The following MIPOL1 variants were observed in gnomAD, a reference collection of about 807,000 sequenced individuals.
The protein encoded by MIPOL1 is mirror-image polydactyly gene 1 protein.
In MIPOL1, 57 loss-of-function variants were observed where a neutral mutation model predicts 60.9. The observed-to-expected ratio is 0.94, with a 90% CI of 0.76 to 1.17. MIPOL1 has a LOEUF of 1.17. MIPOL1 is among the 50% of genes most tolerant of loss of function. MIPOL1 has a pLI of 0.00. For missense variants in MIPOL1, 551 were observed against 511.6 expected, an observed-to-expected ratio of 1.08 and a Z score of -0.74; for synonymous variants, 179 against 168.8, an observed-to-expected ratio of 1.06 and a Z score of -0.47.
chr14:37,444,869 TCAA>T (rs1440196960), intron 11 of MIPOL1, among the ~76,000 whole-genome samples: 1 of 152,108 alleles, frequency 6.6e-6, no homozygotes, highest in African/African-American at 2.4e-5. Flanking sequence ...TTGACAAAAT[TCAA>T]CAACGCTTCA....
intron 10 of MIPOL1, among the ~76,000 whole-genome samples, chr14:37,382,754 C>T (rs942485286): frequency 2.6e-5 from 4 of 151,708 alleles, no homozygotes; most frequent in Admixed American, 2.0e-4. Flanking sequence ...TAATTCAGTG[C>T]CTGGTCTCTC....
At chr14:37,454,905 T>G (rs2094460438) in intron 11 of MIPOL1, among the ~76,000 whole-genome samples, 1 of 152,196 alleles carries the variant, frequency 6.6e-6, no homozygotes, top group Admixed American at 6.6e-5. Context: ...ATTCTTACTG[T>G]GATATATTGT....
chr14:37,388,489 T>G (rs911228974), intron 10 of MIPOL1, among the ~76,000 whole-genome samples: 15 of 150,854 alleles, frequency 9.9e-5, no homozygotes, highest in Admixed American at 2.7e-4. Flanking sequence ...TTTTTGTGTT[T>G]TTTTTTTTTT....
chr14:37,211,325 C>T (rs546093964), intron 1 of MIPOL1, among the ~76,000 whole-genome samples: 4 of 152,044 alleles, frequency 2.6e-5, no homozygotes, highest in Non-Finnish European at 5.9e-5. Flanking sequence ...CTGAAGAGAT[C>T]GAAAAACAAT....
intron 1 of MIPOL1, among the ~76,000 whole-genome samples, chr14:37,223,444 A>C (rs191459116): frequency 6.6e-6 from 1 of 152,172 alleles, no homozygotes; most frequent in Admixed American, 6.5e-5. Context: ...ACATATGAGG[A>C]GTTTCAAAAA....
intron 1 of MIPOL1, among the ~76,000 whole-genome samples, chr14:37,241,891 T>G (rs1972422533): frequency 6.6e-6 from 1 of 152,182 alleles, no homozygotes; most frequent in African/African-American, 2.4e-5. Flanking sequence ...ACTTCTCTAT[T>G]CCAAGACATT....
intron 10 of MIPOL1, among the ~76,000 whole-genome samples, chr14:37,383,449 G>C: frequency 6.6e-6 from 1 of 151,788 alleles, no homozygotes; most frequent in East Asian, 1.9e-4. Context: ...TACTAGAAAA[G>C]GAGGATAGTG....
chr14:37,384,624 C>G (rs900518051), intron 10 of MIPOL1, among the ~76,000 whole-genome samples: 3 of 151,866 alleles, frequency 2.0e-5, no homozygotes, highest in Non-Finnish European at 4.4e-5. Flanking sequence ...AGGACTAAAC[C>G]TCTCAAAATA....
intron 11 of MIPOL1, among the ~76,000 whole-genome samples, chr14:37,464,760 G>C (rs183158770): frequency 6.6e-5 from 10 of 152,220 alleles, no homozygotes; most frequent in Admixed American, 5.9e-4. Flanking sequence ...TTTTTAAAAA[G>C]CTGGCTGGTA....
At chr14:37,360,336 A>T (rs2092152246) in intron 9 of MIPOL1, among the ~76,000 whole-genome samples, 1 of 152,200 alleles carries the variant, frequency 6.6e-6, no homozygotes. Context: ...TGCCTCATAA[A>T]ATGAATTAGG....
intron 10 of MIPOL1, among the ~76,000 whole-genome samples, chr14:37,404,527 C>T (rs899973424): frequency 1.8e-4 from 27 of 152,282 alleles, no homozygotes; most frequent in African/African-American, 6.0e-4. Flanking sequence ...TAAATAAAAG[C>T]CTGCAGAATG....
At chr14:37,290,588 A>G (rs1025262982) in intron 7 of MIPOL1, among the ~76,000 whole-genome samples, 39 of 152,164 alleles carry the variant, frequency 2.6e-4, no homozygotes, top group African/African-American at 7.5e-4. Context: ...CTTTATTCTT[A>G]AAGTAGGGCT....
chr14:37,402,050 A>G (rs952643114), intron 10 of MIPOL1: 12 of 152,146 alleles, frequency 7.9e-5, no homozygotes, highest in African/African-American at 2.9e-4. Context: ...AGTGTCTTGA[A>G]TATGACATTC....
intron 1 of MIPOL1, among the ~76,000 whole-genome samples, chr14:37,202,458 C>T (rs1965490509): frequency 6.6e-6 from 1 of 152,186 alleles, no homozygotes; most frequent in South Asian, 2.1e-4. Context: ...ATAAGTCCCA[C>T]ACAAAGCAAT....
At chr14:37,285,644 T>A (rs909662888) in intron 7 of MIPOL1, among the ~76,000 whole-genome samples, 197 bp downstream of exon 7, 1 of 151,102 alleles carries the variant, frequency 6.6e-6, no homozygotes, top group East Asian at 1.9e-4. Flanking sequence ...CAGGCTGGAG[T>A]GCAGTGGCGC....
chr14:37,477,003 C>A (rs575784175), intron 11 of MIPOL1, among the ~76,000 whole-genome samples: 7 of 150,168 alleles, frequency 4.7e-5, no homozygotes, highest in African/African-American at 1.5e-4. Context: ...CAGGTTCCAG[C>A]AATTCTCCTG....
In MIPOL1 at chr14:37,216,043, A is replaced by G. The variant is rs180847673; in HGVS notation, c.-199+17939A>G. Reference sequence around the variant, plus strand: ...ATGCCATTGCACTCCAGCCTGGGTGACAGAGCAAACCTCCATCTCAAAAAA... The same window carrying G: ...ATGCCATTGCACTCCAGCCTGGGTGGCAGAGCAAACCTCCATCTCAAAAAA... On this transcript the variant is annotated intron_variant, in intron 1 of 12. Transcript: ENST00000684589. 2.5e-3 allele frequency among the ~76,000 whole-genome samples: 378 copies of G among 148,554 alleles called. 2 individuals carry two copies. The highest frequency in any genetic ancestry group is 8.9e-3 in the African/African-American group (356 of 40,098).
chr14:37,259,349 A>G (rs77395033), intron 3 of MIPOL1, among the ~76,000 whole-genome samples: 3,115 of 152,100 alleles, frequency 0.02, 122 homozygotes, highest in African/African-American at 0.071. Context: ...AGATCACTTG[A>G]GCCCAGGAGT....
chr14:37,524,915 A>G (rs921350201), intron 12 of MIPOL1, among the ~76,000 whole-genome samples: 2 of 152,072 alleles, frequency 1.3e-5, no homozygotes, highest in Non-Finnish European at 2.9e-5. Context: ...TTAACATGAA[A>G]GACTACAAAA....
Sources: allele counts gnomAD v4.1 joint callset (sites outside exome capture counted in the v4.1 genomes callset), GRCh38; gene constraint gnomAD v4.1.1; transcripts MANE v1.5; gene names NCBI Gene and HGNC (gene_info 2026-07-23, HGNC 2026-07-21).